DTNA: variants seen among roughly 807,000 people sequenced by gnomAD.
The protein encoded by DTNA is dystrobrevin alpha, also known as dystrophin-related protein 3.
Under a neutral mutation model 100.7 loss-of-function variants are expected in DTNA, and 43 were observed. The ratio of observed to expected loss-of-function variants is 0.43; its 90% CI spans 0.33 to 0.55. The LOEUF is 0.55. DTNA is among the 20% of genes least tolerant of loss of function. The pLI is 0.04. For synonymous variants in DTNA, 349 were observed against 347.9 expected (o/e 1.00, Z -0.04); for missense variants, 798 against 953.9 (o/e 0.84, Z 2.15).
intron 17 of DTNA, among the ~76,000 whole-genome samples, chr18:34,873,929 A>G (rs564740332): frequency 6.6e-6 from 1 of 152,300 alleles, no homozygotes; most frequent in South Asian, 2.1e-4. Context: ...ACAGACCATT[A>G]CAAGGTACTG....
At chr18:34,884,489 A>G (rs1236597435) in intron 21 of DTNA, among the ~76,000 whole-genome samples, 1 of 151,642 alleles carries the variant, frequency 6.6e-6, no homozygotes, top group Non-Finnish European at 1.5e-5. Context: ...CTGGGAGACT[A>G]TAACAGGCCT....
chr18:34,519,205 T>C (rs1421439245), intron 1 of DTNA, among the ~76,000 whole-genome samples: 1 of 152,176 alleles, frequency 6.6e-6, no homozygotes, highest in Non-Finnish European at 1.5e-5. Flanking sequence ...GTCCTAGTAA[T>C]TGTTTTCCGA....
chr18:34,815,695 G>A, intron 6 of DTNA: 1 of 518,468 alleles, frequency 1.9e-6, no homozygotes, highest in Non-Finnish European at 3.5e-6. Flanking sequence ...CCTCAGTGGA[G>A]AGAATTCAGT....
intron 1 of DTNA, among the ~76,000 whole-genome samples, chr18:34,654,318 A>G (rs575414147): frequency 6.6e-6 from 1 of 152,318 alleles, no homozygotes; most frequent in Admixed American, 6.5e-5. Flanking sequence ...TTAGTTAATA[A>G]TCCTCGAGCA....
chr18:34,648,857 T>C (rs1038777376), intron 1 of DTNA, among the ~76,000 whole-genome samples: 4 of 152,256 alleles, frequency 2.6e-5, no homozygotes, highest in African/African-American at 9.6e-5. Context: ...CATGTGTATG[T>C]GCAAATGTAT....
intron 18 of DTNA, among the ~76,000 whole-genome samples, chr18:34,876,409 T>A (rs1001227150): frequency 3.9e-5 from 6 of 152,174 alleles, no homozygotes; most frequent in Non-Finnish European, 8.8e-5. Context: ...CAATCAAGTT[T>A]CATAATTTCA....
At chr18:34,823,689 G>A (rs993146620) in intron 9 of DTNA, among the ~76,000 whole-genome samples, 1 of 152,112 alleles carries the variant, frequency 6.6e-6, no homozygotes, top group African/African-American at 2.4e-5. Flanking sequence ...TTCCCTCTCT[G>A]ATCTTTCCCC....
At chr18:34,746,668 C>T (rs568164439) in intron 1 of DTNA, among the ~76,000 whole-genome samples, 2 of 152,288 alleles carry the variant, frequency 1.3e-5, no homozygotes, top group Admixed American at 6.5e-5. Context: ...TTTGATCAAG[C>T]TCAACCTTTG....
At chr18:34,887,477 C>A (rs188637931) in intron 22 of DTNA, among the ~76,000 whole-genome samples, 1 of 152,314 alleles carries the variant, frequency 6.6e-6, no homozygotes, top group East Asian at 1.9e-4. Context: ...AAAGACAGCA[C>A]AAATATTTCT....
intron 1 of DTNA, among the ~76,000 whole-genome samples, chr18:34,748,246 A>T (rs924516969): frequency 1.3e-5 from 2 of 151,972 alleles, no homozygotes; most frequent in Non-Finnish European, 2.9e-5. Flanking sequence ...ATTTTCTCCC[A>T]CTATATGGGT....
Position 34,846,178 on chromosome 18 carries a change from A to G in DTNA, c.1347-2118A>G, listed in dbSNP as rs73418648. On this transcript the variant is annotated intron_variant, in intron 13 of 22. Transcript: ENST00000444659. ...CATCTTCTCAGGTCCCACCCTCCCA[A>G]CCTCCCCTACCCTACCACCACAGAA... Among the ~76,000 whole-genome samples the G allele has an allele frequency of 7.1e-3, 1,073 of 151,764 alleles. 18 individuals carry two copies. The highest frequency in any genetic ancestry group is 0.024 in the African/African-American group (1,002 of 41,366).
At position 34,762,592 on chromosome 18, in the gene DTNA, A is replaced by G. The variant is rs1173287973; in HGVS notation, c.68-3369A>G. On this transcript the variant is annotated intron_variant, in intron 2 of 22. Transcript: ENST00000444659. ...TGCTGGGGCAAAGAAAAATACATTT[A>G]TTTTGACAAGGCAGATAAACAGAGT... 6.6e-5 allele frequency among the ~76,000 whole-genome samples: 10 copies of G among 152,202 alleles called. No homozygotes were observed. In the East Asian group the frequency reaches 1.9e-3, roughly 29 times the overall value.
At position 34,890,029 on chromosome 18, in the gene DTNA, C is replaced by CA; in HGVS notation, c.*2295_*2296insA. ...AGCTCAAAATCATAGCCAGGTAGTT[C>CA]TTGAACTCAGAACTTAAATCCTGCA... On this transcript the variant is annotated 3_prime_UTR_variant, in exon 23 of 23. Coordinates refer to ENST00000444659, the MANE Select transcript of DTNA (RefSeq NM_001386795.1). 7.8e-7 allele frequency: 1 copy of CA among 1,274,716 alleles called. No homozygotes were observed. The highest frequency in any genetic ancestry group is 9.9e-7 in the Non-Finnish European group (1 of 1,008,228). 79.0% of individuals were successfully genotyped at this position (1,274,716 alleles called of 1,614,324 possible). A position where few individuals can be genotyped will look rare whatever the true frequency, so the allele number is the denominator to read the frequency against.
intron 15 of DTNA, among the ~76,000 whole-genome samples, chr18:34,854,690 C>G (rs1435510835): frequency 1.3e-5 from 2 of 152,152 alleles, no homozygotes; most frequent in Non-Finnish European, 2.9e-5. Flanking sequence ...TCCCTTAGTC[C>G]CTTTTCTCTA....
intron 22 of DTNA, among the ~76,000 whole-genome samples, chr18:34,887,229 G>A (rs2096929748): frequency 6.6e-6 from 1 of 152,144 alleles, no homozygotes; most frequent in Non-Finnish European, 1.5e-5. Context: ...TTTTCAACTA[G>A]CCACTTTTGA....
At position 34,890,204 on chromosome 18, in the gene DTNA, G is replaced by C; in HGVS notation, c.*2470G>C. 1 of 1,458,788 alleles carries C rather than the reference G, an allele frequency of 6.9e-7. No individual in the cohort carries two copies. Among genetic ancestry groups the C allele is most frequent in the East Asian group, 2.5e-5 (1 of 40,298 alleles). The allele number at this position is 1,458,788 out of a possible 1,614,324, so 90.4% of individuals were successfully genotyped here. ...CATTGCCAACCAACTCCATCACATG[G>C]TTGTTGATATCGTCATATAAAGCCA... is the stretch of plus-strand genomic sequence containing the variant. On this transcript the variant is annotated 3_prime_UTR_variant, in exon 23 of 23. Coordinates refer to ENST00000444659, the MANE Select transcript of DTNA (RefSeq NM_001386795.1).
chr18:34,817,942 A>G, intron 7 of DTNA: 1 of 1,418,058 alleles, frequency 7.1e-7, no homozygotes, highest in African/African-American at 1.4e-5. Flanking sequence ...TGTTAAAAGG[A>G]CACCTCTTCT....
In DTNA at chr18:34,549,459, TAAA is replaced by T. The variant is rs574848755; in HGVS notation, c.-2+55948_-2+55950del. Among the ~76,000 whole-genome samples the T allele has an allele frequency of 2.2e-3, 329 of 152,116 alleles. 1 individual carries two copies. The highest frequency in any genetic ancestry group is 7.4e-3 in the African/African-American group (307 of 41,470). On this transcript the variant is annotated intron_variant, in intron 1 of 19. Transcript: ENST00000283365. ...AATATCCATCCTTTTTAATGTTAAT[TAAA>T]AAGCTTCCCTCTCATTCACAAAGTT...
intron 2 of DTNA, among the ~76,000 whole-genome samples, chr18:34,764,647 T>G (rs565620991): frequency 1.3e-5 from 2 of 152,352 alleles, no homozygotes; most frequent in Admixed American, 6.5e-5. Flanking sequence ...TCGGTTTGAG[T>G]TGAAGAAATG....
Sources: allele counts gnomAD v4.1 joint callset (sites outside exome capture counted in the v4.1 genomes callset), GRCh38; gene constraint gnomAD v4.1.1; transcripts MANE v1.5; gene names NCBI Gene and HGNC (gene_info 2026-07-23, HGNC 2026-07-21).